The following VPS4A variants were observed in gnomAD, a reference collection of about 807,000 sequenced individuals.
The protein encoded by VPS4A is vacuolar protein sorting 4 homolog A.
Under a neutral mutation model 52.3 loss-of-function variants are expected in VPS4A, and 20 were observed. The ratio of observed to expected loss-of-function variants is 0.38; its 90% CI spans 0.27 to 0.56. The LOEUF (loss-of-function observed/expected upper bound fraction) is 0.56. VPS4A is among the 20% of genes least tolerant of loss of function. The pLI is 0.72. For synonymous variants in VPS4A, 293 were observed against 227.7 expected, an observed-to-expected ratio of 1.29 and a Z score of -2.58; for missense variants, 419 against 575.9, an observed-to-expected ratio of 0.73 and a Z score of 2.79.
intron 3 of VPS4A, among the ~76,000 whole-genome samples, chr16:69,317,189 G>A (rs1212674503): frequency 2.0e-5 from 3 of 152,168 alleles, no homozygotes; most frequent in African/African-American, 7.2e-5. Context: ...CTCCAATAAG[G>A]ATTAAATCAA....
chr16:69,322,502 G>A, intron 9 of VPS4A, 58 bp from the exon 10 acceptor site: 1 of 1,545,900 alleles, frequency 6.5e-7, no homozygotes, highest in South Asian at 1.2e-5. Context: ...AGACCGGAGG[G>A]GTCGAGCCCC....
chr16:69,318,409 A>G lies in VPS4A; in HGVS notation c.282-241A>G, dbSNP rs537000159. ...CAGGAGAGGGCCGACCCGGATTCCC[A>G]TCTGCTCCGCGAAGAAACAGGGCGG... On this transcript the variant is annotated intron_variant, in intron 3 of 10. Transcript: ENST00000254950. Among the ~76,000 whole-genome samples the G allele has an allele frequency of 3.9e-5, 6 of 152,340 alleles. No homozygotes were observed. The South Asian group carries it at 1.0e-3, about 26-fold the overall frequency.
rs946378166 is a variant in VPS4A, at chr16:69,311,545, GC to G, written c.21+16del. On this transcript the variant is annotated intron_variant, in intron 1 of 10. Coordinates refer to ENST00000254950, the MANE Select transcript of VPS4A (RefSeq NM_013245.3). ...GTCAACCCTCCAGGTACTTCGTGCG[GC>G]CCGGCCCGACTTCGGAGGCCGAAGG... 36 of 1,316,682 alleles carry G rather than the reference GC, an allele frequency of 2.7e-5. 1 individual carries two copies. In the Admixed American group the frequency reaches 9.1e-4, roughly 33 times the overall value. 81.6% of individuals were successfully genotyped at this position (1,316,682 alleles called of 1,614,324 possible).
At chr16:69,322,062 G>T in intron 9 of VPS4A, 1 of 161,290 alleles carries the variant, frequency 6.2e-6, no homozygotes, top group South Asian at 1.7e-4. Context: ...CATGGTAGGA[G>T]ACCAAAGGCA....
chr16:69,324,142 G>A (rs954008935), intron 10 of VPS4A, 66 bp from the exon 11 acceptor site: 3 of 1,513,928 alleles, frequency 2.0e-6, no homozygotes, highest in Admixed American at 1.9e-5. Flanking sequence ...CGCCTGTTGT[G>A]TGCTGAGGGG....
chr16:69,315,501 G>A (rs141603490), intron 1 of VPS4A, among the ~76,000 whole-genome samples: 12 of 152,352 alleles, frequency 7.9e-5, no homozygotes, highest in Non-Finnish European at 8.8e-5. Context: ...AGGAGGAGGA[G>A]GAGAGAGGCC....
rs1172487858 is a variant in VPS4A at position 69,312,878 on chromosome 16, G to C, written c.21+1346G>C. Among the ~76,000 whole-genome samples, 3 of 152,190 alleles carry C rather than the reference G, an allele frequency of 2.0e-5. No homozygotes were observed. The South Asian group carries it at 6.2e-4, about 32-fold the overall frequency. On this transcript the variant is annotated intron_variant, in intron 1 of 10. Transcript: ENST00000254950. ...TCTGCCCACTTCGGCCTCCCAGAGTGCTGGGATTACAGGTGTGAGCCACGG... is the reference window on the plus strand; with the variant it reads ...TCTGCCCACTTCGGCCTCCCAGAGTCCTGGGATTACAGGTGTGAGCCACGG...
intron 4 of VPS4A, 33 bp from the exon 5 acceptor site, chr16:69,318,790 G>T (rs778554882): frequency 1.3e-6 from 2 of 1,583,630 alleles, no homozygotes; most frequent in Admixed American, 1.7e-5. Context: ...CCCCTTGGCC[G>T]GGCCCGGGCC....
rs748528196 is a variant in VPS4A, at chr16:69,319,472, G to A, written c.549G>A (p.Glu183=). 1 of 1,614,034 alleles carries A rather than the reference G, an allele frequency of 6.2e-7. No homozygotes were observed. Among genetic ancestry groups the A allele is most frequent in the South Asian group, 1.1e-5 (1 of 91,090 alleles). Residue 183 remains glutamate (E), a synonymous_variant, in exon 6 of 11, where the codon GAG becomes GAA. Coordinates refer to ENST00000254950, the MANE Select transcript of VPS4A (RefSeq NM_013245.3). ...KSYLAKAVAT[E]ANNSTFFSVS... is the part of the protein sequence containing the mutation. Reference sequence around the variant, plus strand: ...ACCTGGCCAAAGCCGTGGCAACAGAGGCCAACAACTCCACCTTCTTCTCTG... The same window carrying A: ...ACCTGGCCAAAGCCGTGGCAACAGAAGCCAACAACTCCACCTTCTTCTCTG...
chr16:69,318,734 G>C, intron 4 of VPS4A, 23 bp downstream of exon 4: 1 of 1,613,594 alleles, frequency 6.2e-7, no homozygotes, highest in South Asian at 1.1e-5. Context: ...CGGCCCTGTG[G>C]CAGCGGCAGG....
At position 69,311,450 on chromosome 16, in the gene VPS4A, C is replaced by T; in HGVS notation, c.-62C>T. ...CGCGCCGGACCCAGTACCTCGGCTC[C>T]CCGGGGCCGGACCGAGGCCGCAAGC... is the stretch of plus-strand genomic sequence containing the variant. On this transcript the variant is annotated 5_prime_UTR_variant, in exon 1 of 11. Coordinates refer to ENST00000254950, the MANE Select transcript of VPS4A (RefSeq NM_013245.3). 2 of 1,250,086 alleles carry T rather than the reference C, an allele frequency of 1.6e-6. No homozygotes were observed. Among genetic ancestry groups the T allele is most frequent in the African/African-American group, 1.6e-5 (1 of 64,012 alleles). 77.4% of individuals were successfully genotyped at this position (1,250,086 alleles called of 1,614,324 possible). A position where few individuals can be genotyped will look rare whatever the true frequency, so the allele number is the denominator to read the frequency against.
chr16:69,322,774 A>C (rs1965529838), intron 10 of VPS4A, 74 bp downstream of exon 10: 1 of 1,527,222 alleles, frequency 6.5e-7, no homozygotes, highest in Non-Finnish European at 8.8e-7. Flanking sequence ...CCAGAATAAA[A>C]ACGGTCTTCT....
At position 69,311,507 on chromosome 16, in the gene VPS4A, A is replaced by T. The variant is rs1417357125; in HGVS notation, c.-5A>T. On this transcript the variant is annotated 5_prime_UTR_variant, in exon 1 of 11. An upstream start codon of the reference 5' UTR is lost. Coordinates refer to ENST00000254950, the MANE Select transcript of VPS4A (RefSeq NM_013245.3). ...GCGGGGTGTGGGGCGGACCCAGGAG[A>T]TGAAATGACAACGTCAACCCTCCAG... The T allele has an allele frequency of 7.4e-7, 1 of 1,357,248 alleles. No homozygotes were observed. Among genetic ancestry groups the T allele is most frequent in the South Asian group, 2.0e-5 (1 of 49,848 alleles). The allele number at this position is 1,357,248 out of a possible 1,614,324, so 84.1% of individuals were successfully genotyped here.
intron 5 of VPS4A, 101 bp downstream of exon 5, chr16:69,319,043 G>A: frequency 1.3e-6 from 2 of 1,511,042 alleles, no homozygotes; most frequent in Non-Finnish European, 1.8e-6. Context: ...CAGCCCCCGG[G>A]GCCTGCAGAG....
intron 3 of VPS4A, among the ~76,000 whole-genome samples, chr16:69,317,288 G>T (rs981825004): frequency 6.6e-6 from 1 of 152,142 alleles, no homozygotes; most frequent in Admixed American, 6.5e-5. Context: ...TTTCGATTTC[G>T]GTTTTGCTTT....
chr16:69,316,488 T>TG, intron 3 of VPS4A, 116 bp downstream of exon 3: 1 of 1,383,520 alleles, frequency 7.2e-7, no homozygotes, highest in Non-Finnish European at 9.9e-7. Context: ...AGTGCAGGGA[T>TG]GACAGTGCCA....
At chr16:69,323,761 C>T in intron 10 of VPS4A, 1 of 426,046 alleles carries the variant, frequency 2.3e-6, no homozygotes, top group Non-Finnish European at 4.7e-6. Context: ...AGCAGCCTGG[C>T]CAACATAGTG....
At chr16:69,313,044 TCTCAA>T (rs1196063181) in intron 1 of VPS4A, among the ~76,000 whole-genome samples, 1 of 151,926 alleles carries the variant, frequency 6.6e-6, no homozygotes, top group Admixed American at 6.6e-5. Context: ...AGTGGCACAA[TCTCAA>T]CTCATTGCGG....
At position 69,320,784 on chromosome 16, in the gene VPS4A, G is replaced by A. The variant is rs1043082506; in HGVS notation, c.851+15G>A. 1 of 1,593,726 alleles carries A rather than the reference G, an allele frequency of 6.3e-7. No homozygotes were observed. Among genetic ancestry groups the A allele is most frequent in the African/African-American group, 1.3e-5 (1 of 74,664 alleles). ...ATCAGGAGGAGGTGAGTCTTCCCCA[G>A]GAGAAGCCAGGGCTGGAGGCTTCCT... On this transcript the variant is annotated intron_variant, in intron 8 of 10. Transcript: ENST00000254950. The surrounding 1 kb of genome is among the most constrained non-coding windows in gnomAD (Gnocchi z 4.2).
Sources: allele counts gnomAD v4.1 joint callset (sites outside exome capture counted in the v4.1 genomes callset), GRCh38; gene constraint gnomAD v4.1.1; non-coding constraint Gnocchi (gnomAD v3.1); transcripts MANE v1.5; gene names NCBI Gene and HGNC (gene_info 2026-07-23, HGNC 2026-07-21).